RPS6KA2: variants seen among roughly 807,000 people sequenced by gnomAD.
RPS6KA2 encodes the protein ribosomal protein S6 kinase A2, also known as ribosomal protein S6 kinase alpha-2.
RPS6KA2 carries 42 observed loss-of-function variants against 91.8 expected under a neutral mutation model. The observed-to-expected ratio is 0.46, with a 90% confidence interval of 0.36 to 0.59. RPS6KA2 has a LOEUF of 0.59. RPS6KA2 is among the 20% of genes least tolerant of loss of function. The pLI is 0.00. For missense variants in RPS6KA2, 798 were observed against 978.5 expected (o/e 0.82, Z 2.46); for synonymous variants, 414 against 393.6 (o/e 1.05, Z -0.61).
In RPS6KA2 at chr6:166,495,438, T is replaced by G. The variant is rs898287620; in HGVS notation, c.747+3070A>C. ...GGGAGGCACGTGGGAGGAGAGTGCC[T>G]GCTGTGTTGACGTGCCGGGCAGCGC... On this transcript the variant is annotated intron_variant, in intron 8 of 20. Coordinates refer to ENST00000265678, the MANE Select transcript of RPS6KA2 (RefSeq NM_021135.6). This position sits in a 1 kb window ranked among gnomAD's most constrained non-coding sequence, Gnocchi z 4.4. Among the ~76,000 whole-genome samples the G allele has an allele frequency of 6.6e-6, 1 of 152,142 alleles. No individual in the cohort carries two copies. Among genetic ancestry groups the G allele is most frequent in the Non-Finnish European group, 1.5e-5 (1 of 68,016 alleles).
At chr6:166,590,767 A>T (rs956090427) in intron 1 of RPS6KA2, among the ~76,000 whole-genome samples, 1 of 152,256 alleles carries the variant, frequency 6.6e-6, no homozygotes, top group Non-Finnish European at 1.5e-5. Context: ...AAATTAAAAA[A>T]AAAACCTCAT....
rs1782329255 is a variant in RPS6KA2, at chr6:166,508,224, G to A, written c.438C>T (p.Leu146=). The A allele has an allele frequency of 6.2e-7, 1 of 1,613,414 alleles. No individual in the cohort carries two copies. Among genetic ancestry groups the A allele is most frequent in the East Asian group, 2.2e-5 (1 of 44,868 alleles). ...TCACCTCTTTGGAGAGCCGGGTGAA[G>A]AGGTCCCCTCCCCGCAGGAAGTCCA... is the stretch of plus-strand genomic sequence containing the variant. ...LILDFLRGGD[L]FTRLSKEVMF... The change falls in exon 5 of 21, where the codon CTC becomes CTT. Residue 146 remains leucine (L), a synonymous_variant. Transcript: ENST00000265678. This position sits in a 1 kb window ranked among gnomAD's most constrained non-coding sequence, Gnocchi z 4.3.
intron 1 of RPS6KA2, among the ~76,000 whole-genome samples, chr6:166,540,371 C>T (rs185768890): frequency 1.3e-5 from 2 of 152,340 alleles, no homozygotes; most frequent in East Asian, 3.9e-4. Context: ...TTATCCATGG[C>T]TTTTCCATTC....
intron 2 of RPS6KA2, among the ~76,000 whole-genome samples, chr6:166,711,130 G>T (rs978365353): frequency 8.6e-5 from 13 of 151,474 alleles, no homozygotes; most frequent in African/African-American, 3.2e-4. Context: ...CCACTGCCCA[G>T]GGGTAACAAG....
At chr6:166,486,348 C>A (rs928530650) in intron 10 of RPS6KA2, among the ~76,000 whole-genome samples, 1 of 152,178 alleles carries the variant, frequency 6.6e-6, no homozygotes, top group African/African-American at 2.4e-5. Context: ...CCTGATCAGG[C>A]GTCCTCCCCT....
chr6:166,788,300 A>T (rs199998176), intron 2 of RPS6KA2, among the ~76,000 whole-genome samples: 4 of 152,204 alleles, frequency 2.6e-5, no homozygotes, highest in African/African-American at 4.8e-5. Context: ...GATCTAGAAC[A>T]AGAAATATCA....
At chr6:166,663,049 T>C (rs1788205788) in intron 2 of RPS6KA2, among the ~76,000 whole-genome samples, 1 of 151,434 alleles carries the variant, frequency 6.6e-6, no homozygotes, top group South Asian at 2.1e-4. Flanking sequence ...CTGAGAGACA[T>C]TAAGGGTCTG....
chr6:166,597,896 T>C (rs550690754), intron 1 of RPS6KA2, among the ~76,000 whole-genome samples: 1 of 152,272 alleles, frequency 6.6e-6, no homozygotes, highest in Admixed American at 6.5e-5. Flanking sequence ...ACCGTGCTAT[T>C]GTTGGTTTTC....
At chr6:166,711,756 T>A (rs1248214532) in intron 2 of RPS6KA2, among the ~76,000 whole-genome samples, 2 of 142,206 alleles carry the variant, frequency 1.4e-5, no homozygotes, top group Non-Finnish European at 3.1e-5. Flanking sequence ...AGAAAGAACA[T>A]AAATAAATAA....
At chr6:166,586,230 T>C (rs909569868) in intron 1 of RPS6KA2, 8 of 1,593,612 alleles carry the variant, frequency 5.0e-6, no homozygotes, top group Non-Finnish European at 6.8e-6. Context: ...GGATCGTCCA[T>C]GCCACTGATT....
At chr6:166,636,311 C>T (rs970927059) in intron 2 of RPS6KA2, among the ~76,000 whole-genome samples, 12 of 152,092 alleles carry the variant, frequency 7.9e-5, no homozygotes, top group African/African-American at 2.9e-4. Context: ...TCTGGATAGC[C>T]TATCTCGGAC....
At chr6:166,846,716 A>G (rs1263542618) in intron 2 of RPS6KA2, among the ~76,000 whole-genome samples, 1 of 152,234 alleles carries the variant, frequency 6.6e-6, no homozygotes, top group Non-Finnish European at 1.5e-5. Flanking sequence ...TCCTGAAGGT[A>G]ATAAAAGCCA....
At chr6:166,468,690 T>C (rs936234003) in intron 11 of RPS6KA2, among the ~76,000 whole-genome samples, 9 of 151,732 alleles carry the variant, frequency 5.9e-5, no homozygotes, top group Admixed American at 2.0e-4. Flanking sequence ...GGTGAAACCC[T>C]GTCTCTACTA....
chr6:166,786,235 G>A (rs1431680780), intron 2 of RPS6KA2, among the ~76,000 whole-genome samples: 4 of 152,300 alleles, frequency 2.6e-5, no homozygotes, highest in Non-Finnish European at 4.4e-5. Flanking sequence ...CACAGGAGTG[G>A]CAGCCTGGCT....
At chr6:166,470,989 T>A (rs1475640943) in intron 10 of RPS6KA2, among the ~76,000 whole-genome samples, 12 of 151,944 alleles carry the variant, frequency 7.9e-5, no homozygotes, top group Non-Finnish European at 1.6e-4. Flanking sequence ...GTGGCGGCGG[T>A]GGCTGGGGAA....
chr6:166,439,100 T>TTTAATTA (rs1779436255), intron 14 of RPS6KA2, among the ~76,000 whole-genome samples: 1 of 135,764 alleles, frequency 7.4e-6, no homozygotes, highest in African/African-American at 2.6e-5. Context: ...TGTCTTTATT[T>TTTAATTA]TTAATTAATT....
chr6:166,546,210 G>A (rs549948988), intron 1 of RPS6KA2, among the ~76,000 whole-genome samples: 1 of 152,192 alleles, frequency 6.6e-6, no homozygotes, highest in East Asian at 1.9e-4. Context: ...GCACAGGAAC[G>A]ATCTCCGAGA....
At position 166,767,541 on chromosome 6, in the gene RPS6KA2, C is replaced by G. The variant is rs1778346644; in HGVS notation, c.123+90659G>C. Among the ~76,000 whole-genome samples the G allele has an allele frequency of 6.6e-6, 1 of 152,132 alleles. No homozygotes were observed. The highest frequency in any genetic ancestry group is 1.5e-5 in the Non-Finnish European group (1 of 68,030). On this transcript the variant is annotated intron_variant, in intron 2 of 21. Transcript: ENST00000503859. This position sits in a 1 kb window ranked among gnomAD's most constrained non-coding sequence, Gnocchi z 4.6. ...TGCTGTCACCCAGGAGCCCTTCAGACTGCGCTCCACTTGCCAGCAAGCCTC... is the reference window on the plus strand; with the variant it reads ...TGCTGTCACCCAGGAGCCCTTCAGAGTGCGCTCCACTTGCCAGCAAGCCTC...
At chr6:166,545,603 C>T (rs1562570153) in intron 1 of RPS6KA2, among the ~76,000 whole-genome samples, 2 of 152,244 alleles carry the variant, frequency 1.3e-5, no homozygotes, top group East Asian at 1.9e-4. Context: ...TGCCTTTCTG[C>T]CTCCCCACCC....
Sources: gnomAD v4.1 joint callset for allele counts (sites outside exome capture counted in the v4.1 genomes callset) on GRCh38, gnomAD v4.1.1 for gene constraint, Gnocchi (gnomAD v3.1) non-coding constraint, MANE v1.5 for transcripts, NCBI Gene and HGNC (gene_info 2026-07-23, HGNC 2026-07-21) for gene names.